The following TAF12 variants were observed in gnomAD, a reference collection of about 807,000 sequenced individuals.
TAF12 encodes transcription initiation factor TFIID subunit 12.
Under a neutral mutation model 20.8 loss-of-function variants are expected in TAF12, and 3 were observed. The ratio of observed to expected loss-of-function variants is 0.14; its 90% CI spans 0.07 to 0.37. The LOEUF is 0.37. Among genes scored for constraint, TAF12 ranks in the 10% least tolerant of loss-of-function variants. The pLI, the probability that TAF12 is intolerant of heterozygous loss-of-function variation, is 1.00. For synonymous variants in TAF12, 69 were observed against 70.2 expected (o/e 0.98, Z 0.09); for missense variants, 131 against 197.9 (o/e 0.66, Z 2.03).
chr1:28,640,102 C>T (rs4252967), intron 1 of TAF12, among the ~76,000 whole-genome samples: 4,107 of 152,310 alleles, frequency 0.027, 195 homozygotes, highest in African/African-American at 0.094. Flanking sequence ...CTTGGCCTCC[C>T]AAAGTGCTGG....
At position 28,635,052 on chromosome 1, in the gene TAF12, A is replaced by G. The variant is rs1271134278; in HGVS notation, c.-85+7940T>C. On this transcript the variant is annotated intron_variant, in intron 1 of 5. Coordinates refer to ENST00000373824, the MANE Select transcript of TAF12 (RefSeq NM_005644.4). ...ATCCTGGCTAACAGGGTGAAACCTC[A>G]CCTCTACTAAAAAAAAAAATACAAA... is the stretch of plus-strand genomic sequence containing the variant. Among the ~76,000 whole-genome samples, 11 of 149,324 alleles carry G rather than the reference A, an allele frequency of 7.4e-5. No homozygotes were observed. The Admixed American group carries it at 7.4e-4, about 10-fold the overall frequency.
chr1:28,617,877 G>A, intron 3 of TAF12, 76 bp downstream of exon 3: 1 of 1,390,142 alleles, frequency 7.2e-7, no homozygotes, highest in East Asian at 2.3e-5. Flanking sequence ...ACTGCATCTG[G>A]CCTGTTTGTG....
intron 1 of TAF12, among the ~76,000 whole-genome samples, chr1:28,626,653 A>G (rs539087887): frequency 6.6e-6 from 1 of 151,980 alleles, no homozygotes; most frequent in East Asian, 1.9e-4. Context: ...TCACGCTTGT[A>G]ATCTCAGTAC....
At chr1:28,603,701 C>G in intron 5 of TAF12, 127 bp from the exon 6 acceptor site, 2 of 858,852 alleles carry the variant, frequency 2.3e-6, no homozygotes, top group South Asian at 3.0e-5. Flanking sequence ...GACCTGCAGT[C>G]ACAAGGCATC....
In TAF12 at chr1:28,625,461, C is replaced by T. The variant is rs143237519; in HGVS notation, c.-84-3296G>A. Among the ~76,000 whole-genome samples, 70 of 151,796 alleles carry T rather than the reference C, an allele frequency of 4.6e-4. No homozygotes were observed. The East Asian group carries it at 0.012, about 27-fold the overall frequency. On this transcript the variant is annotated intron_variant, in intron 1 of 5. Transcript: ENST00000373824. ...TCATGGTTCACTGCAGACTCAAACTCGTGGACTCAAGCAATCCTCCTGTCT... is the reference window on the plus strand; with the variant it reads ...TCATGGTTCACTGCAGACTCAAACTTGTGGACTCAAGCAATCCTCCTGTCT...
chr1:28,646,327 A>G (rs1668183563), upstream of TAF12: 1 of 152,138 alleles, frequency 6.6e-6, no homozygotes, highest in African/African-American at 2.4e-5. Flanking sequence ...AGGAAGAGCA[A>G]TTGACAGCAC....
intron 3 of TAF12, among the ~76,000 whole-genome samples, chr1:28,616,811 AG>A (rs1667058191): frequency 6.6e-6 from 1 of 152,156 alleles, no homozygotes; most frequent in Non-Finnish European, 1.5e-5. Context: ...CTACCATAAT[AG>A]GGAATCAACA....
intron 1 of TAF12, among the ~76,000 whole-genome samples, chr1:28,637,117 T>TAAC (rs4252971): frequency 0.012 from 1,788 of 152,212 alleles, 32 homozygotes; most frequent in African/African-American, 0.041. Context: ...AAAAAAATGG[T>TAAC]AACAAGTGGT....
intron 2 of TAF12, among the ~76,000 whole-genome samples, chr1:28,619,872 T>C (rs969045953): frequency 6.6e-6 from 1 of 150,826 alleles, no homozygotes; most frequent in African/African-American, 2.4e-5. Context: ...ATAGCTTGAA[T>C]TGGGAGGAGG....
chr1:28,603,496 A>G lies in TAF12; in HGVS notation c.*43T>C, dbSNP rs746070447. 4 of 1,609,726 alleles carry G rather than the reference A, an allele frequency of 2.5e-6. No individual in the cohort carries two copies. In the African/African-American group the frequency reaches 4.0e-5, roughly 16 times the overall value. The stretch of plus-strand genomic sequence containing the variant: ...AGATGGCTGAGTTCTCAGCTCAAGT[A>G]TCTCCAAATACATTGCTGTCCATTC... On this transcript the variant is annotated 3_prime_UTR_variant, in exon 6 of 6. Coordinates refer to ENST00000373824, the MANE Select transcript of TAF12 (RefSeq NM_005644.4).
At chr1:28,642,706 T>C (rs1050011482) in intron 1 of TAF12, 99 of 985,360 alleles carry the variant, frequency 1.0e-4, no homozygotes, top group Non-Finnish European at 1.1e-4. Context: ...CCTTTCCTCG[T>C]AGGAGTGCGG....
In TAF12 at chr1:28,607,237, T is replaced by A. The variant is rs190084414; in HGVS notation, c.362-1777A>T. Among the ~76,000 whole-genome samples, 5 of 152,340 alleles carry A rather than the reference T, an allele frequency of 3.3e-5. No homozygotes were observed. The East Asian group carries it at 9.6e-4, about 29-fold the overall frequency. On this transcript the variant is annotated intron_variant, in intron 4 of 5. Coordinates refer to ENST00000373824, the MANE Select transcript of TAF12 (RefSeq NM_005644.4). ...GCTAACAATTTATGTTATTAGTATT[T>A]GAAAGTGACACTGGCCAGATGTGGT...
upstream of TAF12, among the ~76,000 whole-genome samples, chr1:28,644,471 A>T (rs528486392): frequency 2.6e-5 from 4 of 152,224 alleles, no homozygotes; most frequent in Admixed American, 1.3e-4. Context: ...CTTTTTTAAG[A>T]CCCAGGTTGA....
intron 4 of TAF12, among the ~76,000 whole-genome samples, chr1:28,606,214 G>A (rs1475096874): frequency 6.6e-6 from 1 of 152,062 alleles, no homozygotes; most frequent in Non-Finnish European, 1.5e-5. Context: ...GGTCAGGCTG[G>A]TCTTGAACTC....
intron 1 of TAF12, among the ~76,000 whole-genome samples, chr1:28,635,149 G>A (rs1348539652): frequency 6.7e-6 from 1 of 148,354 alleles, no homozygotes; most frequent in African/African-American, 2.5e-5. Flanking sequence ...AGAATAGCGC[G>A]AACCCGGGAG....
upstream of TAF12, among the ~76,000 whole-genome samples, chr1:28,647,657 A>G (rs890565398): frequency 6.6e-5 from 10 of 152,116 alleles, no homozygotes; most frequent in African/African-American, 2.4e-4. Flanking sequence ...GCGGATCACA[A>G]AGTCAGGAGA....
chr1:28,627,665 C>CAAAAAAAAAAAAAAA (rs61016146), intron 1 of TAF12, among the ~76,000 whole-genome samples: 1 of 103,498 alleles, frequency 9.7e-6, no homozygotes, highest in Non-Finnish European at 1.8e-5. Flanking sequence ...TGCACTCCCT[C>CAAAAAAAAAAAAAAA]AAAAAAAAAA....
upstream of TAF12, among the ~76,000 whole-genome samples, chr1:28,644,050 CAAA>C (rs754009751): frequency 2.1e-5 from 2 of 94,714 alleles, no homozygotes; most frequent in Admixed American, 1.2e-4. Flanking sequence ...GACTCTGTCT[CAAA>C]AAAAAAAAAA....
chr1:28,610,358 G>A (rs1418040702), intron 4 of TAF12, among the ~76,000 whole-genome samples: 3 of 152,150 alleles, frequency 2.0e-5, no homozygotes, highest in African/African-American at 7.2e-5. Flanking sequence ...GCAGTGGCAT[G>A]ATAGCTCACT....
Sources: gnomAD v4.1 joint callset for allele counts (sites outside exome capture counted in the v4.1 genomes callset) on GRCh38, gnomAD v4.1.1 for gene constraint, MANE v1.5 for transcripts, NCBI Gene and HGNC (gene_info 2026-07-23, HGNC 2026-07-21) for gene names.